The following WASF3 variants were observed in gnomAD, a reference collection of about 807,000 sequenced individuals.
WASF3 encodes the protein actin-binding protein WASF3.
A neutral mutation model predicts 46.6 loss-of-function variants in WASF3; 11 were observed. The ratio of observed to expected loss-of-function variants is 0.24; its 90% CI spans 0.15 to 0.39. The LOEUF is 0.39. Ranked by LOEUF, WASF3 falls within the 10% of genes least tolerant of loss-of-function variation. The probability of loss-of-function intolerance (pLI) is 1.00; values close to 1 mark genes in which losing one functional copy is unlikely to be tolerated. For missense variants in WASF3, 576 were observed against 669.8 expected (o/e 0.86, Z 1.55); for synonymous variants, 242 against 259.7 (o/e 0.93, Z 0.65).
At chr13:26,576,973 T>C in intron 1 of WASF3, 1 of 717,664 alleles carries the variant, frequency 1.4e-6, no homozygotes, top group South Asian at 1.5e-5. Flanking sequence ...TAAGAAAGAG[T>C]GGTATGATGT....
intron 1 of WASF3, among the ~76,000 whole-genome samples, chr13:26,611,082 A>G (rs945359639): frequency 2.2e-4 from 30 of 136,284 alleles, no homozygotes; most frequent in African/African-American, 8.1e-4. Flanking sequence ...GTGTTGCCCA[A>G]GCTGGTCTCA....
At chr13:26,672,873 T>C (rs1882961744) in intron 6 of WASF3, among the ~76,000 whole-genome samples, 1 of 152,110 alleles carries the variant, frequency 6.6e-6, no homozygotes. Flanking sequence ...GAAGAGAACA[T>C]GAGAACAGTT....
chr13:26,588,444 T>A (rs1334103332), intron 1 of WASF3, among the ~76,000 whole-genome samples: 1 of 152,114 alleles, frequency 6.6e-6, no homozygotes, highest in Non-Finnish European at 1.5e-5. Flanking sequence ...CCATTTTAGG[T>A]AGTGTCTGTC....
At chr13:26,670,458 A>G (rs1208459626) in intron 5 of WASF3, among the ~76,000 whole-genome samples, 2 of 152,184 alleles carry the variant, frequency 1.3e-5, no homozygotes, top group South Asian at 2.1e-4. Context: ...ACAAACCTAC[A>G]TGTTCTAAAC....
At chr13:26,681,365 T>A (rs778507326) in intron 8 of WASF3, 45 bp downstream of exon 8, 3 of 1,505,238 alleles carry the variant, frequency 2.0e-6, no homozygotes, top group Non-Finnish European at 2.7e-6. Context: ...GGCCTTGCAT[T>A]TGAATCTTGC....
intron 1 of WASF3, among the ~76,000 whole-genome samples, chr13:26,570,330 C>T (rs904747880): frequency 6.6e-6 from 1 of 152,054 alleles, no homozygotes; most frequent in Non-Finnish European, 1.5e-5. Context: ...GTTTTAGGGT[C>T]CTTGTTGATT....
At chr13:26,648,815 C>T (rs1406754208) in intron 3 of WASF3, among the ~76,000 whole-genome samples, 1 of 152,060 alleles carries the variant, frequency 6.6e-6, no homozygotes, top group Non-Finnish European at 1.5e-5. Context: ...GTTCTGTCAG[C>T]AGGAGAATTG....
At chr13:26,579,968 T>C (rs889212751) in intron 1 of WASF3, among the ~76,000 whole-genome samples, 3 of 152,264 alleles carry the variant, frequency 2.0e-5, no homozygotes, top group Admixed American at 2.0e-4. Context: ...AACACAAATT[T>C]GTAAATTTTC....
chr13:26,589,833 A>C (rs1274024520), intron 1 of WASF3, among the ~76,000 whole-genome samples: 1 of 152,088 alleles, frequency 6.6e-6, no homozygotes, highest in Non-Finnish European at 1.5e-5. Flanking sequence ...ATTTGACTAG[A>C]TGTATCTGTA....
chr13:26,646,360 G>A (rs574215287), intron 3 of WASF3, among the ~76,000 whole-genome samples: 2 of 152,258 alleles, frequency 1.3e-5, no homozygotes, highest in South Asian at 4.2e-4. Flanking sequence ...GAATGTATGA[G>A]CCTATAGTAT....
the WASF3 span, among the ~76,000 whole-genome samples, chr13:26,547,886 C>A: frequency 6.6e-6 from 1 of 152,140 alleles, no homozygotes; most frequent in Non-Finnish European, 1.5e-5. Context: ...ATTTTAGGGG[C>A]ATGGGCCTGT....
chr13:26,602,746 A>G (rs1880678583), intron 1 of WASF3, among the ~76,000 whole-genome samples: 1 of 152,152 alleles, frequency 6.6e-6, no homozygotes, highest in South Asian at 2.1e-4. Flanking sequence ...ATATAGTTTG[A>G]TTTTGGAGTA....
intron 2 of WASF3, among the ~76,000 whole-genome samples, chr13:26,626,920 C>T (rs933662848): frequency 6.6e-6 from 1 of 152,158 alleles, no homozygotes; most frequent in East Asian, 1.9e-4. Flanking sequence ...TTATTGTTGA[C>T]GTCTTCAACA....
chr13:26,573,066 T>A (rs1879687715), intron 1 of WASF3, among the ~76,000 whole-genome samples: 1 of 152,208 alleles, frequency 6.6e-6, no homozygotes, highest in Admixed American at 6.5e-5. Flanking sequence ...TTATCTGGTT[T>A]GTATAGGTTT....
chr13:26,677,590 G>T (rs564200406), intron 7 of WASF3, among the ~76,000 whole-genome samples: 1 of 152,066 alleles, frequency 6.6e-6, no homozygotes, highest in Non-Finnish European at 1.5e-5. Flanking sequence ...AACGTATTAC[G>T]TGCCTTCAAT....
chr13:26,578,594 C>T (rs1879872815), intron 1 of WASF3, among the ~76,000 whole-genome samples: 1 of 152,188 alleles, frequency 6.6e-6, no homozygotes, highest in Admixed American at 6.5e-5. Flanking sequence ...AACCAATTCA[C>T]AAGAAGGAAA....
intron 1 of WASF3, among the ~76,000 whole-genome samples, chr13:26,598,850 C>T (rs1032612743): frequency 1.3e-5 from 2 of 152,070 alleles, no homozygotes; most frequent in Non-Finnish European, 2.9e-5. Context: ...ATCTCTTTGC[C>T]CTGCTCTTTT....
intron 1 of WASF3, among the ~76,000 whole-genome samples, chr13:26,583,404 A>G (rs944413322): frequency 1.3e-5 from 2 of 152,180 alleles, no homozygotes; most frequent in Admixed American, 6.5e-5. Context: ...TCCTTCTCCT[A>G]TAGTGTTTAT....
chr13:26,623,754 G>A (rs911726987), intron 2 of WASF3, among the ~76,000 whole-genome samples: 6 of 152,156 alleles, frequency 3.9e-5, no homozygotes, highest in African/African-American at 1.4e-4. Flanking sequence ...ACCTGGTAAC[G>A]TAGCAATAAC....
Sources: allele counts gnomAD v4.1 joint callset (sites outside exome capture counted in the v4.1 genomes callset), GRCh38; gene constraint gnomAD v4.1.1; transcripts MANE v1.5; gene names NCBI Gene and HGNC (gene_info 2026-07-23, HGNC 2026-07-21).